The following FSTL5 variants were observed in gnomAD, a reference collection of about 807,000 sequenced individuals.
FSTL5 encodes follistatin-related protein 5.
A neutral mutation model predicts 89.1 loss-of-function variants in FSTL5; 62 were observed. That is an observed-to-expected ratio of 0.70 (90% CI 0.57 to 0.86). The LOEUF (loss-of-function observed/expected upper bound fraction) is 0.86. Ranked by LOEUF, FSTL5 falls within the 40% of genes least tolerant of loss-of-function variation. The pLI, the probability that FSTL5 is intolerant of heterozygous loss-of-function variation, is 0.00. For synonymous variants in FSTL5, 383 were observed against 346.2 expected, an observed-to-expected ratio of 1.11 and a Z score of -1.18; for missense variants, 1,057 against 1,001.6, an observed-to-expected ratio of 1.06 and a Z score of -0.75.
chr4:162,146,674 CCTT>C (rs1229741972), intron 1 of FSTL5, among the ~76,000 whole-genome samples: 4 of 12,154 alleles, frequency 3.3e-4, no homozygotes, highest in Admixed American at 1.0e-3. Context: ...CCTTCCCTTC[CCTT>C]CCCTTCCCTT....
At position 162,111,323 on chromosome 4, in the gene FSTL5, T is replaced by C. The variant is rs1475052135; in HGVS notation, c.74A>G (p.Glu25Gly). ...ATAGGATTTAAGGCCATATCCTCCTTCTTTGGTTGGCCTTCCTTCCGACTC... is the reference window on the plus strand; with the variant it reads ...ATAGGATTTAAGGCCATATCCTCCTCCTTTGGTTGGCCTTCCTTCCGACTC... ...FLESEGRPTK[E>G]GGYGLKSYQP... The change falls in exon 2 of 16, where the codon GAA becomes GGA. Residue 25 changes from glutamate (E) to glycine (G), a missense_variant. Physicochemically the swap from Glu to Gly is moderately conservative, Grantham distance 98. This residue lies in a region of FSTL5 where 980 missense variants were observed against 903.2 expected (regional missense o/e 1.08). Transcript: ENST00000306100. 4 of 1,612,126 alleles carry C rather than the reference T, an allele frequency of 2.5e-6. No individual in the cohort carries two copies. Among genetic ancestry groups the C allele is most frequent in the South Asian group, 2.2e-5 (2 of 90,954 alleles).
At chr4:161,849,444 G>A (rs917400643) in intron 4 of FSTL5, among the ~76,000 whole-genome samples, 2 of 151,500 alleles carry the variant, frequency 1.3e-5, no homozygotes, top group Middle Eastern at 3.2e-3. Flanking sequence ...GCATATCTTC[G>A]ATGTTAGCAG....
At chr4:162,056,179 A>G (rs1738536624) in intron 2 of FSTL5, among the ~76,000 whole-genome samples, 1 of 152,012 alleles carries the variant, frequency 6.6e-6, no homozygotes, top group Non-Finnish European at 1.5e-5. Flanking sequence ...ATAAAGCTTT[A>G]GTTCTCAGAA....
At chr4:161,429,989 G>T (rs1732297920) in intron 15 of FSTL5, among the ~76,000 whole-genome samples, 1 of 152,032 alleles carries the variant, frequency 6.6e-6, no homozygotes, top group African/African-American at 2.4e-5. Flanking sequence ...TGAAACTCAG[G>T]ATATCACAGA....
chr4:161,445,135 T>G lies in FSTL5; in HGVS notation c.1841+9869A>C, dbSNP rs1463965309. Among the ~76,000 whole-genome samples the G allele has an allele frequency of 2.6e-5, 4 of 152,088 alleles. No homozygotes were observed. In the East Asian group the frequency reaches 7.7e-4, roughly 29 times the overall value. On this transcript the variant is annotated intron_variant, in intron 15 of 15. Coordinates refer to ENST00000306100, the MANE Select transcript of FSTL5 (RefSeq NM_020116.5). The stretch of plus-strand genomic sequence containing the variant: ...TTGTAAATTCAGACTTTAAAATCGA[T>G]ATTAAAGTAAGGAAATTATAGAGAA...
rs765607899 is a variant in FSTL5, at chr4:161,384,700, A to G, written c.*1047T>C. ...CTTACCACTGTCGGGCTACCCCTTT[A>G]TTCCCAACTTATATTACTAATTCTT... On this transcript the variant is annotated 3_prime_UTR_variant, in exon 16 of 16. Coordinates refer to ENST00000306100, the MANE Select transcript of FSTL5 (RefSeq NM_020116.5). 6.6e-6 allele frequency: 1 copy of G among 152,108 alleles called. No homozygotes were observed. Among genetic ancestry groups the G allele is most frequent in the African/African-American group, 2.4e-5 (1 of 41,460 alleles). 9.4% of individuals were successfully genotyped at this position (152,108 alleles called of 1,614,324 possible).
At chr4:161,774,569 C>A (rs1193907245) in intron 5 of FSTL5, among the ~76,000 whole-genome samples, 7 of 151,862 alleles carry the variant, frequency 4.6e-5, no homozygotes, top group Non-Finnish European at 1.0e-4. Context: ...GATCTGATGT[C>A]TTTTTTAAAA....
intron 15 of FSTL5, among the ~76,000 whole-genome samples, chr4:161,407,977 C>T (rs1049720155): frequency 6.6e-6 from 1 of 152,138 alleles, no homozygotes; most frequent in African/African-American, 2.4e-5. Context: ...CTCAGAAGGG[C>T]CTCACTCAGA....
intron 8 of FSTL5, among the ~76,000 whole-genome samples, chr4:161,581,809 G>A (rs190723517): frequency 1.3e-3 from 195 of 152,338 alleles, no homozygotes; most frequent in Non-Finnish European, 1.9e-3. Context: ...TAATTTGAAT[G>A]GGAGAGAAGT....
At chr4:161,686,549 A>C (rs1263516996) in intron 6 of FSTL5, among the ~76,000 whole-genome samples, 1 of 150,488 alleles carries the variant, frequency 6.6e-6, no homozygotes, top group Non-Finnish European at 1.5e-5. Flanking sequence ...TTTCGTAGAG[A>C]CAGGGTTTCA....
chr4:162,026,231 A>G (rs1476426251), intron 3 of FSTL5, among the ~76,000 whole-genome samples: 1 of 145,672 alleles, frequency 6.9e-6, no homozygotes, highest in Non-Finnish European at 1.5e-5. Flanking sequence ...CATCAAACAC[A>G]TTTTGGTTAT....
At chr4:162,007,325 G>A (rs1242135997) in intron 3 of FSTL5, among the ~76,000 whole-genome samples, 1 of 151,704 alleles carries the variant, frequency 6.6e-6, no homozygotes, top group Non-Finnish European at 1.5e-5. Context: ...ATGTTGAGTT[G>A]TAATTAACAT....
intron 2 of FSTL5, among the ~76,000 whole-genome samples, chr4:162,053,947 C>G (rs1430337809): frequency 3.3e-5 from 5 of 151,526 alleles, no homozygotes; most frequent in Non-Finnish European, 7.4e-5. Flanking sequence ...GCAAATTTTC[C>G]TCATCTCATT....
intron 4 of FSTL5, among the ~76,000 whole-genome samples, chr4:161,854,739 G>A (rs1033488968): frequency 6.6e-6 from 1 of 151,856 alleles, no homozygotes; most frequent in African/African-American, 2.4e-5. Flanking sequence ...TATAATAAGG[G>A]ATGAACTCTA....
chr4:161,503,178 C>A (rs4269137), intron 11 of FSTL5, among the ~76,000 whole-genome samples: 118,759 of 151,090 alleles, frequency 0.79, 48,025 homozygotes, highest in Non-Finnish European at 0.89. Flanking sequence ...GTAAAATTTC[C>A]ATTAGTTAGA....
chr4:161,432,689 T>G (rs1365135137), intron 15 of FSTL5, among the ~76,000 whole-genome samples: 1 of 149,970 alleles, frequency 6.7e-6, no homozygotes, highest in African/African-American at 2.5e-5. Flanking sequence ...TTAGCCAGAT[T>G]AGGGAAAAAA....
intron 15 of FSTL5, among the ~76,000 whole-genome samples, chr4:161,435,669 T>G (rs1397103218): frequency 6.6e-6 from 1 of 151,376 alleles, no homozygotes; most frequent in African/African-American, 2.4e-5. Context: ...ATTGTATGAA[T>G]GTATCTCCTG....
chr4:161,814,026 A>G (rs964232095), intron 4 of FSTL5, among the ~76,000 whole-genome samples: 21 of 152,278 alleles, frequency 1.4e-4, no homozygotes, highest in Non-Finnish European at 2.8e-4. Flanking sequence ...ATCAGTAAGG[A>G]AAAAGAAGAG....
chr4:161,529,254 G>A (rs144934227), intron 10 of FSTL5, among the ~76,000 whole-genome samples: 2,321 of 142,168 alleles, frequency 0.016, 266 homozygotes, highest in African/African-American at 0.052. Context: ...TCTATTTAAT[G>A]ATATTGAAGG....
Sources: gnomAD v4.1 joint callset for allele counts (sites outside exome capture counted in the v4.1 genomes callset) on GRCh38, gnomAD v4.1.1 for gene constraint, gnomAD v4.1.1 regional missense constraint, MANE v1.5 for transcripts, NCBI Gene and HGNC (gene_info 2026-07-23, HGNC 2026-07-21) for gene names.